The following AGAP1 variants were observed in gnomAD, a reference collection of about 807,000 sequenced individuals.
AGAP1 encodes the protein ArfGAP with GTPase domain, ankyrin repeat and PH domain 1, also known as arf-GAP with GTPase, ANK repeat and PH domain-containing protein 1.
AGAP1 carries 29 observed loss-of-function variants against 105.3 expected under a neutral mutation model. The ratio of observed to expected loss-of-function variants is 0.28; its 90% CI spans 0.21 to 0.38. The LOEUF (loss-of-function observed/expected upper bound fraction) is 0.38, where lower values mean the gene tolerates loss of function less well. Among genes scored for constraint, AGAP1 ranks in the 10% least tolerant of loss-of-function variants. The probability of loss-of-function intolerance (pLI) is 1.00; values close to 1 mark genes in which losing one functional copy is unlikely to be tolerated. For missense variants in AGAP1, 998 were observed against 1,165.1 expected (o/e 0.86, Z 2.09); for synonymous variants, 509 against 485.9 (o/e 1.05, Z -0.63).
chr2:235,646,034 T>C (rs1947372368), intron 1 of AGAP1, among the ~76,000 whole-genome samples: 1 of 152,142 alleles, frequency 6.6e-6, no homozygotes, highest in Non-Finnish European at 1.5e-5. Flanking sequence ...CCCAGCACTT[T>C]AGGAGTCCCA....
At chr2:235,910,642 G>C (rs2051561216) in intron 11 of AGAP1, among the ~76,000 whole-genome samples, 1 of 152,206 alleles carries the variant, frequency 6.6e-6, no homozygotes, top group African/African-American at 2.4e-5. Flanking sequence ...TATAGGCCAG[G>C]TGCAGTGGCT....
At chr2:235,590,664 A>AGTGTGTGTGT in intron 1 of AGAP1, among the ~76,000 whole-genome samples, 1 of 63,086 alleles carries the variant, frequency 1.6e-5, no homozygotes, top group South Asian at 5.5e-4. Flanking sequence ...GTTTTGTTTT[A>AGTGTGTGTGT]ATGTGTGTGT....
At position 235,633,643 on chromosome 2, in the gene AGAP1, A is replaced by T. The variant is rs1413266009; in HGVS notation, c.164-75536A>T. Reference sequence around the variant, plus strand: ...TGTCATAGATGGAGTGGGGAGACCTACAAGGCCTGTCTGTTCAGATTCCTC... The same window carrying T: ...TGTCATAGATGGAGTGGGGAGACCTTCAAGGCCTGTCTGTTCAGATTCCTC... On this transcript the variant is annotated intron_variant, in intron 1 of 17. Coordinates refer to ENST00000304032, the MANE Select transcript of AGAP1 (RefSeq NM_001037131.3). The surrounding 1 kb of genome is among the most constrained non-coding windows in gnomAD (Gnocchi z 4.8). Among the ~76,000 whole-genome samples the T allele has an allele frequency of 6.6e-6, 1 of 152,182 alleles. No individual in the cohort carries two copies. Among genetic ancestry groups the T allele is most frequent in the Non-Finnish European group, 1.5e-5 (1 of 68,042 alleles).
chr2:235,631,968 G>A lies in AGAP1; in HGVS notation c.164-77211G>A, dbSNP rs1946843966. Among the ~76,000 whole-genome samples the A allele has an allele frequency of 6.6e-6, 1 of 152,172 alleles. No homozygotes were observed. The highest frequency in any genetic ancestry group is 2.4e-5 in the African/African-American group (1 of 41,420). Reference sequence around the variant, plus strand: ...GATGGCTGGCCACCATCTGAGACTGGGACAGCAAGGGTCATGTTGGCATTG... The same window carrying A: ...GATGGCTGGCCACCATCTGAGACTGAGACAGCAAGGGTCATGTTGGCATTG... On this transcript the variant is annotated intron_variant, in intron 1 of 17. Transcript: ENST00000304032. This position sits in a 1 kb window ranked among gnomAD's most constrained non-coding sequence, Gnocchi z 5.4.
At chr2:235,790,689 C>T (rs1331773997) in intron 6 of AGAP1, among the ~76,000 whole-genome samples, 1 of 152,208 alleles carries the variant, frequency 6.6e-6, no homozygotes. Context: ...CTCCCACTAC[C>T]TTCTTATAAC....
At chr2:235,829,616 G>A (rs1045802172) in intron 9 of AGAP1, among the ~76,000 whole-genome samples, 8 of 152,190 alleles carry the variant, frequency 5.3e-5, no homozygotes, top group East Asian at 1.9e-4. Context: ...TATATATTGC[G>A]AAGAGATTTT....
At chr2:236,122,904 C>T (rs1206744978) in intron 17 of AGAP1, among the ~76,000 whole-genome samples, 1 of 152,066 alleles carries the variant, frequency 6.6e-6, no homozygotes, top group Non-Finnish European at 1.5e-5. Context: ...AGTCTGGTCT[C>T]AAACTCCTGA....
intron 1 of AGAP1, among the ~76,000 whole-genome samples, chr2:235,673,208 T>G (rs966092453): frequency 6.6e-6 from 1 of 152,228 alleles, no homozygotes; most frequent in African/African-American, 2.4e-5. Context: ...CCCCCATAGG[T>G]GTCACAACTT....
intron 1 of AGAP1, among the ~76,000 whole-genome samples, chr2:235,595,468 T>C (rs1179350716): frequency 2.6e-5 from 4 of 152,238 alleles, no homozygotes; most frequent in African/African-American, 4.8e-5. Flanking sequence ...TGCCTGCTCC[T>C]GTGTTTTTGT....
At position 236,124,546 on chromosome 2, in the gene AGAP1, T is replaced by C. The variant is rs2059973790; in HGVS notation, c.*424T>C. ...TTTCCCCTCTACCAAACGGAACACT[T>C]GGATTCCATCTCTTCTCTGAGGAGC... On this transcript the variant is annotated 3_prime_UTR_variant, in exon 18 of 18. Transcript: ENST00000304032. The surrounding 1 kb of genome is among the most constrained non-coding windows in gnomAD (Gnocchi z 5.1). 1 of 225,680 alleles carries C rather than the reference T, an allele frequency of 4.4e-6. No individual in the cohort carries two copies. Among genetic ancestry groups the C allele is most frequent in the Non-Finnish European group, 8.8e-6 (1 of 113,404 alleles). The allele number at this position is 225,680 out of a possible 1,614,324, so 14.0% of individuals were successfully genotyped here. A position where few individuals can be genotyped will look rare whatever the true frequency, so the allele number is the denominator to read the frequency against.
Position 235,665,224 on chromosome 2 carries a change from C to T in AGAP1, c.164-43955C>T, listed in dbSNP as rs1948089001. Among the ~76,000 whole-genome samples, 1 of 152,164 alleles carries T rather than the reference C, an allele frequency of 6.6e-6. No homozygotes were observed. The highest frequency in any genetic ancestry group is 2.4e-5 in the African/African-American group (1 of 41,440). Reference sequence around the variant, plus strand: ...TGGTGGTGTGTTCATACACAATAGACATCGCCAGTGTTCTGTTGGCAGGAA... The same window carrying T: ...TGGTGGTGTGTTCATACACAATAGATATCGCCAGTGTTCTGTTGGCAGGAA... On this transcript the variant is annotated intron_variant, in intron 1 of 17. Transcript: ENST00000304032. The surrounding 1 kb of genome is among the most constrained non-coding windows in gnomAD (Gnocchi z 5.3).
At chr2:235,859,055 C>G (rs140388049) in intron 9 of AGAP1, among the ~76,000 whole-genome samples, 14 of 152,124 alleles carry the variant, frequency 9.2e-5, no homozygotes, top group African/African-American at 3.4e-4. Context: ...GCAAGGGGAA[C>G]CCTTTGTACT....
chr2:235,895,050 C>T (rs151268018), intron 10 of AGAP1, among the ~76,000 whole-genome samples: 27 of 152,318 alleles, frequency 1.8e-4, no homozygotes, highest in African/African-American at 5.3e-4. Flanking sequence ...TCCAGAATGA[C>T]GCCAGAAGTC....
intron 5 of AGAP1, among the ~76,000 whole-genome samples, chr2:235,745,656 T>C (rs1952871610): frequency 6.6e-6 from 1 of 152,256 alleles, no homozygotes; most frequent in Admixed American, 6.5e-5. Context: ...TTGCGAATTC[T>C]TTTAGAATGA....
intron 6 of AGAP1, among the ~76,000 whole-genome samples, chr2:235,767,777 CTTTTTTTTTT>C (rs71414307): frequency 3.2e-5 from 2 of 62,046 alleles, no homozygotes; most frequent in Non-Finnish European, 2.8e-5. Context: ...AGTTTCTTGT[CTTTTTTTTTT>C]TTTTTTTTTT....
At chr2:235,668,187 A>G (rs1026692746) in intron 1 of AGAP1, among the ~76,000 whole-genome samples, 9 of 152,134 alleles carry the variant, frequency 5.9e-5, no homozygotes, top group African/African-American at 1.9e-4. Flanking sequence ...GTATCCTTTC[A>G]AGATAAATAA....
chr2:235,714,665 CAG>C lies in AGAP1; in HGVS notation c.223-2888_223-2887del, dbSNP rs577385546. On this transcript the variant is annotated intron_variant, in intron 2 of 17. Transcript: ENST00000304032. This position sits in a 1 kb window ranked among gnomAD's most constrained non-coding sequence, Gnocchi z 4.1. Reference sequence around the variant, plus strand: ...AGTGGGAGCGGCCAGGACTGGGTGACAGAGAACATTTGGATCCATGAGCCATC... The same window carrying C: ...AGTGGGAGCGGCCAGGACTGGGTGACAGAACATTTGGATCCATGAGCCATC... Among the ~76,000 whole-genome samples the C allele has an allele frequency of 1.6e-3, 248 of 152,158 alleles. No homozygotes were observed. Among genetic ancestry groups the C allele is most frequent in the African/African-American group, 5.7e-3 (237 of 41,520 alleles).
chr2:235,759,202 T>TCTGTCAC (rs1559446645), intron 6 of AGAP1, among the ~76,000 whole-genome samples: 1 of 140,504 alleles, frequency 7.1e-6, no homozygotes, highest in African/African-American at 2.7e-5. Flanking sequence ...GGAGTCTCGC[T>TCTGTCAC]CTGTCACCCA....
At chr2:235,907,673 C>T (rs1238403701) in intron 10 of AGAP1, among the ~76,000 whole-genome samples, 1 of 152,006 alleles carries the variant, frequency 6.6e-6, no homozygotes, top group African/African-American at 2.4e-5. Context: ...GCTCCAGGAC[C>T]CTCCAGAATA....
Sources: allele counts gnomAD v4.1 joint callset (sites outside exome capture counted in the v4.1 genomes callset), GRCh38; gene constraint gnomAD v4.1.1; non-coding constraint Gnocchi (gnomAD v3.1); transcripts MANE v1.5; gene names NCBI Gene and HGNC (gene_info 2026-07-23, HGNC 2026-07-21).